OPCML: variants seen among roughly 807,000 people sequenced by gnomAD.
OPCML encodes the protein opioid binding protein/cell adhesion molecule like.
A neutral mutation model predicts 37.8 loss-of-function variants in OPCML; 13 were observed. That is an observed-to-expected ratio of 0.34 (90% CI 0.22 to 0.55). OPCML has a LOEUF of 0.55. Among genes scored for constraint, OPCML ranks in the 20% least tolerant of loss-of-function variants. The pLI, the probability that OPCML is intolerant of heterozygous loss-of-function variation, is 0.91. For synonymous variants in OPCML, 176 were observed against 168.8 expected (o/e 1.04, Z -0.33); for missense variants, 341 against 435.6 (o/e 0.78, Z 1.93).
rs143880779 is a variant in OPCML, at chr11:133,236,283, T to A, written c.62-293273A>T. On this transcript the variant is annotated intron_variant, in intron 1 of 7. Coordinates refer to ENST00000524381, the MANE Select transcript of OPCML (RefSeq NM_001012393.5). ...AGTGTGGAGATGCTGGACAAAGGGA[T>A]GATTCATGTCTGGGGTTAGATGGCA... 2.9e-3 allele frequency among the ~76,000 whole-genome samples: 444 copies of A among 152,304 alleles called. 2 individuals carry two copies. The highest frequency in any genetic ancestry group is 9.6e-3 in the African/African-American group (400 of 41,576).
At chr11:133,407,467 G>A (rs1945550631) in intron 1 of OPCML, among the ~76,000 whole-genome samples, 1 of 152,122 alleles carries the variant, frequency 6.6e-6, no homozygotes, top group Non-Finnish European at 1.5e-5. Flanking sequence ...CCGGCATGCA[G>A]TGGTGGAGTT....
intron 2 of OPCML, among the ~76,000 whole-genome samples, chr11:132,880,640 A>C (rs1396929307): frequency 6.6e-6 from 1 of 152,266 alleles, no homozygotes; most frequent in South Asian, 2.1e-4. Flanking sequence ...CGTACAAAAT[A>C]AAGTGAACGC....
chr11:132,471,608 G>T (rs556073034), intron 4 of OPCML, among the ~76,000 whole-genome samples: 1 of 152,266 alleles, frequency 6.6e-6, no homozygotes, highest in East Asian at 1.9e-4. Flanking sequence ...CCAGAGGGCT[G>T]CCTAATTATC....
intron 1 of OPCML, among the ~76,000 whole-genome samples, chr11:132,992,700 C>T (rs1480409278): frequency 1.3e-5 from 2 of 151,992 alleles, no homozygotes; most frequent in Non-Finnish European, 2.9e-5. Context: ...CTAGAGGAAA[C>T]GTGGAGGTTA....
At chr11:133,230,594 G>A (rs1940236221) in intron 1 of OPCML, among the ~76,000 whole-genome samples, 1 of 152,118 alleles carries the variant, frequency 6.6e-6, no homozygotes, top group Non-Finnish European at 1.5e-5. Flanking sequence ...GACCTTATCT[G>A]GCACTTCGCA....
chr11:132,590,001 T>A (rs940215626), intron 3 of OPCML, among the ~76,000 whole-genome samples: 5 of 152,152 alleles, frequency 3.3e-5, no homozygotes, highest in Non-Finnish European at 5.9e-5. Flanking sequence ...GGGCTTAGTT[T>A]GCTGACCCCT....
intron 4 of OPCML, among the ~76,000 whole-genome samples, chr11:132,476,264 C>A (rs5021053): frequency 6.6e-6 from 1 of 151,760 alleles, no homozygotes; most frequent in East Asian, 1.9e-4. Flanking sequence ...AGTTCAACCA[C>A]TGTGGAAGTC....
intron 3 of OPCML, among the ~76,000 whole-genome samples, chr11:132,602,282 C>T (rs1050400874): frequency 4.6e-5 from 7 of 152,138 alleles, no homozygotes; most frequent in South Asian, 2.1e-4. Flanking sequence ...CAATTACCAT[C>T]GACACCATAT....
chr11:133,234,354 A>G (rs1940420909), intron 1 of OPCML, among the ~76,000 whole-genome samples: 1 of 152,226 alleles, frequency 6.6e-6, no homozygotes. Flanking sequence ...AGGATTACTT[A>G]GAGGCTTCTT....
chr11:133,106,330 A>C (rs1949156823), intron 1 of OPCML, among the ~76,000 whole-genome samples: 1 of 152,216 alleles, frequency 6.6e-6, no homozygotes, highest in Admixed American at 6.5e-5. Flanking sequence ...CAAGCATTGC[A>C]CCCATTTAGC....
At chr11:133,370,580 T>A (rs184143306) in intron 1 of OPCML, among the ~76,000 whole-genome samples, 893 of 144,458 alleles carry the variant, frequency 6.2e-3, no homozygotes, top group Middle Eastern at 0.016. Flanking sequence ...GAAAAAAAAA[T>A]TGAAAAGGAC....
At chr11:133,417,594 A>G (rs1443515574) in intron 1 of OPCML, among the ~76,000 whole-genome samples, 1 of 151,948 alleles carries the variant, frequency 6.6e-6, no homozygotes, top group Non-Finnish European at 1.5e-5. Context: ...TTAACTGGTC[A>G]TTTAGCATTA....
At chr11:133,451,709 G>C (rs1946583327) in intron 1 of OPCML, among the ~76,000 whole-genome samples, 1 of 148,134 alleles carries the variant, frequency 6.8e-6, no homozygotes, top group Admixed American at 6.6e-5. Context: ...TGGGTGTGGT[G>C]GCGGGTGCCT....
chr11:133,106,694 G>A (rs61910342), intron 1 of OPCML, among the ~76,000 whole-genome samples: 7,600 of 152,308 alleles, frequency 0.05, 270 homozygotes, highest in Non-Finnish European at 0.068. Flanking sequence ...TCCAGGACCA[G>A]ACAATAGAGC....
chr11:133,381,119 T>C (rs558617365), intron 1 of OPCML, among the ~76,000 whole-genome samples: 2 of 152,326 alleles, frequency 1.3e-5, no homozygotes, highest in Non-Finnish European at 2.9e-5. Context: ...TGAAGAGCTG[T>C]CTTGCCTAGG....
In OPCML at chr11:132,506,896, C is replaced by G. The variant is rs1044510835; in HGVS notation, c.505+22165G>C. Reference sequence around the variant, plus strand: ...TTAATACCTGCAAGTGGGTTAAACTCCCCATTATAATGAAAAAAAGGCTTC... The same window carrying G: ...TTAATACCTGCAAGTGGGTTAAACTGCCCATTATAATGAAAAAAAGGCTTC... On this transcript the variant is annotated intron_variant, in intron 4 of 7. Coordinates refer to ENST00000524381, the MANE Select transcript of OPCML (RefSeq NM_001012393.5). Among the ~76,000 whole-genome samples the G allele has an allele frequency of 2.0e-5, 3 of 151,644 alleles. No homozygotes were observed. In the East Asian group the frequency reaches 5.8e-4, roughly 29 times the overall value.
At chr11:133,119,601 A>G (rs1949390281) in intron 1 of OPCML, among the ~76,000 whole-genome samples, 1 of 152,170 alleles carries the variant, frequency 6.6e-6, no homozygotes, top group Non-Finnish European at 1.5e-5. Flanking sequence ...TTCACCTGAC[A>G]TAGTGCAAAC....
In OPCML at chr11:132,635,073, C is replaced by T. The variant is rs574806581; in HGVS notation, c.379+22014G>A. On this transcript the variant is annotated intron_variant, in intron 3 of 7. Coordinates refer to ENST00000524381, the MANE Select transcript of OPCML (RefSeq NM_001012393.5). ...TCCAATATCATTTTTAACTGTGAGA[C>T]GGTAACACTGCCCATGATTATTACA... 1.9e-4 allele frequency among the ~76,000 whole-genome samples: 29 copies of T among 152,238 alleles called. No individual in the cohort carries two copies. In the South Asian group the frequency reaches 2.9e-3, roughly 15 times the overall value.
chr11:133,330,938 G>T (rs567228346), intron 1 of OPCML, among the ~76,000 whole-genome samples: 1 of 152,300 alleles, frequency 6.6e-6, no homozygotes, highest in East Asian at 1.9e-4. Flanking sequence ...GTTCAAAGAA[G>T]TTAATAAAAT....
Sources: allele counts gnomAD v4.1 joint callset (sites outside exome capture counted in the v4.1 genomes callset), GRCh38; gene constraint gnomAD v4.1.1; transcripts MANE v1.5; gene names NCBI Gene and HGNC (gene_info 2026-07-23, HGNC 2026-07-21).